The following NEBL variants were observed in gnomAD, a reference collection of about 807,000 sequenced individuals.
NEBL encodes the protein nebulette.
A neutral mutation model predicts 140.2 loss-of-function variants in NEBL; 122 were observed. The ratio of observed to expected loss-of-function variants is 0.87; its 90% confidence interval spans 0.75 to 1.01. The LOEUF (loss-of-function observed/expected upper bound fraction) is 1.01. NEBL is among the 50% of genes least tolerant of loss of function. The probability of loss-of-function intolerance (pLI) is 0.00; values close to 1 mark genes in which losing one functional copy is unlikely to be tolerated. For synonymous variants in NEBL, 436 were observed against 398.9 expected, an observed-to-expected ratio of 1.09 and a Z score of -1.11; for missense variants, 1,365 against 1,231.3, an observed-to-expected ratio of 1.11 and a Z score of -1.62.
In NEBL at chr10:20,785,087, A is replaced by T. The variant is rs1219856006; in HGVS notation, c.*660T>A. The T allele has an allele frequency of 6.5e-6, 1 of 153,502 alleles. No individual in the cohort carries two copies. The highest frequency in any genetic ancestry group is 6.5e-5 in the Admixed American group (1 of 15,382). 9.5% of individuals were successfully genotyped at this position (153,502 alleles called of 1,614,324 possible). ...CCTGACATTCTGTGGAACTGAGCAT[A>T]GACTTGGGTCCATAGAATATAAATG... On this transcript the variant is annotated 3_prime_UTR_variant, in exon 28 of 28. Transcript: ENST00000377122.
At chr10:21,114,971 G>T (rs544645756) in intron 2 of NEBL, among the ~76,000 whole-genome samples, 44 of 151,576 alleles carry the variant, frequency 2.9e-4, no homozygotes, top group African/African-American at 9.9e-4. Context: ...GCTGTTCTTT[G>T]TTCCTTTTTG....
chr10:21,047,944 C>T (rs981768624), intron 2 of NEBL, among the ~76,000 whole-genome samples: 2 of 152,212 alleles, frequency 1.3e-5, no homozygotes, highest in African/African-American at 4.8e-5. Context: ...ATGTTATTGC[C>T]ATATAGCTTA....
At chr10:20,895,107 C>T (rs1256252226) in intron 2 of NEBL, among the ~76,000 whole-genome samples, 1 of 151,960 alleles carries the variant, frequency 6.6e-6, no homozygotes, top group Non-Finnish European at 1.5e-5. Context: ...GGCCACCACC[C>T]CTCACAACAT....
chr10:21,053,133 T>C (rs1455022119), intron 2 of NEBL, among the ~76,000 whole-genome samples: 1 of 152,144 alleles, frequency 6.6e-6, no homozygotes, highest in African/African-American at 2.4e-5. Context: ...AAATATTATA[T>C]CACGATAAAT....
In NEBL at chr10:21,120,393, C is replaced by CATATATATATATATATATATAT. The variant is rs1201775144; in HGVS notation, c.164+51968_164+51989dup. Among the ~76,000 whole-genome samples the CATATATATATATATATATATAT allele has an allele frequency of 5.2e-4, 31 of 59,494 alleles. 1 individual carries two copies. Among genetic ancestry groups the CATATATATATATATATATATAT allele is most frequent in the South Asian group, 1.5e-3 (2 of 1,330 alleles). The allele number at this position is 59,494 out of a possible 152,430, so 39.0% of individuals were successfully genotyped here. A position where few individuals can be genotyped will look rare whatever the true frequency, so the allele number is the denominator to read the frequency against. On this transcript the variant is annotated intron_variant, in intron 2 of 6. Coordinates refer to the NEBL transcript ENST00000417816. ...GTGTCTCAAAAAAAAAAAAAAAATA[C>CATATATATATATATATATATAT]ATATATATATATATATATATATATA...
At chr10:21,089,169 A>G (rs1474000682) in intron 2 of NEBL, among the ~76,000 whole-genome samples, 1 of 152,098 alleles carries the variant, frequency 6.6e-6, no homozygotes, top group Non-Finnish European at 1.5e-5. Context: ...GCTTGAGCGG[A>G]GTCTAGAGGA....
chr10:20,827,380 C>T (rs1321899925), intron 17 of NEBL, among the ~76,000 whole-genome samples: 1 of 152,194 alleles, frequency 6.6e-6, no homozygotes, highest in Non-Finnish European at 1.5e-5. Flanking sequence ...CTGGCCATCC[C>T]TGTGGAGACC....
intron 2 of NEBL, among the ~76,000 whole-genome samples, chr10:20,895,626 A>G (rs1434647044): frequency 6.6e-6 from 1 of 152,258 alleles, no homozygotes. Flanking sequence ...CAATTTACAG[A>G]GAACTTTCAC....
chr10:21,258,719 A>T (rs1182204528), intron 1 of NEBL, among the ~76,000 whole-genome samples: 1 of 151,920 alleles, frequency 6.6e-6, no homozygotes, highest in African/African-American at 2.4e-5. Flanking sequence ...AAAAATAATA[A>T]ATAAAAATAA....
At chr10:20,789,788 G>A (rs1051987629) in intron 26 of NEBL, among the ~76,000 whole-genome samples, 3 of 151,946 alleles carry the variant, frequency 2.0e-5, no homozygotes, top group African/African-American at 7.3e-5. Flanking sequence ...GGGAGGTCAA[G>A]GCTGCCATGT....
intron 13 of NEBL, 36 bp from the exon 14 acceptor site, chr10:20,835,659 C>T: frequency 7.0e-7 from 1 of 1,425,330 alleles, no homozygotes; most frequent in Non-Finnish European, 9.9e-7. Context: ...TTCAAACACT[C>T]AGTGGGCAAA....
Position 21,196,975 on chromosome 10 carries a change from G to A in NEBL, n.349-24498C>T, listed in dbSNP as rs550291222. On this transcript the variant is annotated intron_variant and non_coding_transcript_variant, in intron 3 of 8. Coordinates refer to the NEBL transcript ENST00000675702. ...TCATGAAGTGCGAATTTTTTTTCTC[G>A]GATGTTATTTCGTTTTCTCACATTC... Among the ~76,000 whole-genome samples, 24 of 152,096 alleles carry A rather than the reference G, an allele frequency of 1.6e-4. No homozygotes were observed. In the South Asian group the frequency reaches 2.9e-3, roughly 18 times the overall value.
intron 1 of NEBL, among the ~76,000 whole-genome samples, chr10:21,292,191 A>G (rs541664333): frequency 4.7e-4 from 72 of 152,202 alleles, no homozygotes; most frequent in Non-Finnish European, 7.9e-4. Flanking sequence ...AAAACTGCTA[A>G]TTTAAGGCTC....
chr10:21,013,149 G>A (rs1838413243), intron 3 of NEBL, among the ~76,000 whole-genome samples: 1 of 152,160 alleles, frequency 6.6e-6, no homozygotes, highest in South Asian at 2.1e-4. Flanking sequence ...GCAAAGGTTG[G>A]AGTTAACATC....
intron 1 of NEBL, among the ~76,000 whole-genome samples, chr10:21,258,937 C>A (rs1172552209): frequency 2.0e-5 from 3 of 152,086 alleles, no homozygotes; most frequent in African/African-American, 7.2e-5. Flanking sequence ...TAGTTTAGGT[C>A]ATTTAATCCT....
intron 2 of NEBL, among the ~76,000 whole-genome samples, chr10:21,114,587 C>T (rs1838194613): frequency 6.6e-6 from 1 of 152,060 alleles, no homozygotes; most frequent in Non-Finnish European, 1.5e-5. Flanking sequence ...GAAACTTCAA[C>T]CACATTTAGG....
intron 7 of NEBL, among the ~76,000 whole-genome samples, chr10:20,861,546 T>C (rs1404927498): frequency 1.3e-5 from 2 of 152,166 alleles, no homozygotes; most frequent in African/African-American, 4.8e-5. Flanking sequence ...GTTCTGTCTC[T>C]CCTAAGTTTG....
intron 19 of NEBL, among the ~76,000 whole-genome samples, chr10:20,820,964 T>C (rs372056784): frequency 2.8e-4 from 42 of 152,340 alleles, no homozygotes; most frequent in African/African-American, 9.4e-4. Flanking sequence ...AAGGTTCCTC[T>C]GGCCTCTTTC....
chr10:20,994,399 C>T (rs1029163589), intron 3 of NEBL, among the ~76,000 whole-genome samples: 2 of 152,104 alleles, frequency 1.3e-5, no homozygotes, highest in Admixed American at 6.5e-5. Context: ...AGAGTAATTG[C>T]GTCTATAATA....
Sources: allele counts gnomAD v4.1 joint callset (sites outside exome capture counted in the v4.1 genomes callset), GRCh38; gene constraint gnomAD v4.1.1; transcripts MANE v1.5; gene names NCBI Gene and HGNC (gene_info 2026-07-23, HGNC 2026-07-21).